SRGAP3: variants seen among roughly 807,000 people sequenced by gnomAD.
SRGAP3 encodes the protein SLIT-ROBO Rho GTPase activating protein 3, also known as SLIT-ROBO Rho GTPase-activating protein 3.
SRGAP3 carries 39 observed loss-of-function variants against 121.1 expected under a neutral mutation model. The ratio of observed to expected loss-of-function variants is 0.32; its 90% confidence interval spans 0.25 to 0.42. The LOEUF (loss-of-function observed/expected upper bound fraction) is 0.42. Among genes scored for constraint, SRGAP3 ranks in the 10% least tolerant of loss-of-function variants. SRGAP3 has a pLI of 1.00. For missense variants in SRGAP3, 1,213 were observed against 1,470.6 expected (o/e 0.82, Z 2.86); for synonymous variants, 601 against 570.0 (o/e 1.05, Z -0.77).
chr3:9,111,674 C>T (rs1317714269), intron 2 of SRGAP3, among the ~76,000 whole-genome samples: 1 of 152,180 alleles, frequency 6.6e-6, no homozygotes, highest in Non-Finnish European at 1.5e-5. Flanking sequence ...CTTCCCTGTT[C>T]CTGGGGTTGT....
At chr3:9,181,726 A>AT (rs1438401197) in intron 1 of SRGAP3, among the ~76,000 whole-genome samples, 1 of 152,280 alleles carries the variant, frequency 6.6e-6, no homozygotes, top group East Asian at 1.9e-4. Flanking sequence ...GAAAGTTATC[A>AT]TTTTTTAAAG....
intron 1 of SRGAP3, among the ~76,000 whole-genome samples, chr3:9,215,798 G>A (rs1408177442): frequency 6.6e-6 from 1 of 152,148 alleles, no homozygotes; most frequent in African/African-American, 2.4e-5. Flanking sequence ...TTGAACCAGC[G>A]GCCTCCCCTC....
chr3:9,132,264 T>C (rs141070832), intron 1 of SRGAP3, among the ~76,000 whole-genome samples: 412 of 152,278 alleles, frequency 2.7e-3, no homozygotes, highest in African/African-American at 9.5e-3. Flanking sequence ...CACACCAAAG[T>C]CTGTCACTTA....
At chr3:9,291,841 A>G (rs968893139) in intron 3 of SRGAP3, among the ~76,000 whole-genome samples, 33 of 152,238 alleles carry the variant, frequency 2.2e-4, no homozygotes, top group Non-Finnish European at 3.8e-4. Flanking sequence ...GCCAAAAAAA[A>G]GAAGGCAACT....
chr3:9,158,763 G>C (rs1950508556), intron 1 of SRGAP3, among the ~76,000 whole-genome samples: 1 of 152,146 alleles, frequency 6.6e-6, no homozygotes, highest in South Asian at 2.1e-4. Flanking sequence ...GTGCAGGTCT[G>C]AGTCTCTCCT....
chr3:8,993,289 C>T (rs1371058374), intron 19 of SRGAP3, among the ~76,000 whole-genome samples: 1 of 152,248 alleles, frequency 6.6e-6, no homozygotes, highest in Non-Finnish European at 1.5e-5. Flanking sequence ...CCTACCTCCT[C>T]CTTTTTTCTC....
At position 9,158,200 on chromosome 3, in the gene SRGAP3, C is replaced by T. The variant is rs116489237; in HGVS notation, c.68-33283G>A. 8.3e-3 allele frequency among the ~76,000 whole-genome samples: 1,264 copies of T among 152,242 alleles called. 15 individuals are homozygous for T. Among genetic ancestry groups the T allele is most frequent in the African/African-American group, 0.028 (1,180 of 41,528 alleles). On this transcript the variant is annotated intron_variant, in intron 1 of 21. Transcript: ENST00000383836. ...AGGGCTTCTCTCCGGCTCTCCTGTC[C>T]GCTCAAACCTGGGAGGGTTCTGTAG...
rs149686122 is a variant in SRGAP3 at position 9,030,153 on chromosome 3, A to AAATGAATG, written c.1539+2489_1539+2496dup. The stretch of plus-strand genomic sequence containing the variant: ...GGCGACACAGCAAGACTGCCTCAAT[A>AAATGAATG]AATGAATGAATGAATGAATGAATGA... On this transcript the variant is annotated intron_variant, in intron 12 of 21. Transcript: ENST00000383836. 5.8e-3 allele frequency among the ~76,000 whole-genome samples: 863 copies of AAATGAATG among 148,342 alleles called. 2 individuals are homozygous for AAATGAATG. Among genetic ancestry groups the AAATGAATG allele is most frequent in the Non-Finnish European group, 7.4e-3 (500 of 67,752 alleles).
chr3:9,168,976 G>A (rs778557223), intron 1 of SRGAP3, among the ~76,000 whole-genome samples: 28 of 152,328 alleles, frequency 1.8e-4, no homozygotes, highest in African/African-American at 6.5e-4. Flanking sequence ...CTGCACCCAG[G>A]TGAGAGCAAG....
At chr3:8,992,006 C>T (rs868385278) in intron 20 of SRGAP3, among the ~76,000 whole-genome samples, 9 of 152,190 alleles carry the variant, frequency 5.9e-5, no homozygotes, top group African/African-American at 1.9e-4. Flanking sequence ...CCTACGCCAG[C>T]CTTCCACTTC....
chr3:9,191,325 C>G (rs1048671150), intron 1 of SRGAP3, among the ~76,000 whole-genome samples: 1 of 152,202 alleles, frequency 6.6e-6, no homozygotes, highest in Non-Finnish European at 1.5e-5. Flanking sequence ...GCAAGTATTG[C>G]TTTTATCATT....
intron 3 of SRGAP3, among the ~76,000 whole-genome samples, chr3:9,254,933 GAAA>G (rs976173305): frequency 3.0e-5 from 4 of 132,136 alleles, no homozygotes; most frequent in Non-Finnish European, 6.7e-5. Flanking sequence ...GAGAGAGAAA[GAAA>G]AAGAAAGAAA....
At chr3:9,219,341 G>A (rs757325868) in intron 1 of SRGAP3, 1 of 152,100 alleles carries the variant, frequency 6.6e-6, no homozygotes, top group Non-Finnish European at 1.5e-5. Context: ...CATGGTTGTC[G>A]AGGACTCTGC....
At chr3:9,054,845 A>G (rs1469631177) in intron 8 of SRGAP3, among the ~76,000 whole-genome samples, 1 of 152,240 alleles carries the variant, frequency 6.6e-6, no homozygotes, top group African/African-American at 2.4e-5. Context: ...TAAATACTTG[A>G]ATAAATATTG....
intron 15 of SRGAP3, chr3:9,014,176 G>T: frequency 2.5e-6 from 1 of 406,412 alleles, no homozygotes. Context: ...TCCCACCTAA[G>T]AGTGAAGCTG....
chr3:9,282,477 ATTTGTT>A (rs200450741), intron 3 of SRGAP3, among the ~76,000 whole-genome samples: 18 of 151,576 alleles, frequency 1.2e-4, no homozygotes, highest in African/African-American at 4.1e-4. Flanking sequence ...GTTATGATAT[ATTTGTT>A]TTTGTTTTTG....
At chr3:9,196,923 C>T (rs1234399385) in intron 1 of SRGAP3, among the ~76,000 whole-genome samples, 1 of 152,202 alleles carries the variant, frequency 6.6e-6, no homozygotes, top group Admixed American at 6.5e-5. Context: ...ACATTTTCCA[C>T]TCTGGCATGA....
At chr3:9,153,000 G>T (rs760953211) in intron 1 of SRGAP3, among the ~76,000 whole-genome samples, 1 of 152,138 alleles carries the variant, frequency 6.6e-6, no homozygotes, top group Non-Finnish European at 1.5e-5. Context: ...TTCCACAGTC[G>T]TTGATCCCAA....
In SRGAP3 at chr3:9,091,202, A is replaced by G. The variant is rs77849654; in HGVS notation, c.424-11115T>C. Among the ~76,000 whole-genome samples the G allele has an allele frequency of 6.1e-3, 922 of 152,230 alleles. 6 individuals are homozygous for G. The highest frequency in any genetic ancestry group is 0.02 in the African/African-American group (843 of 41,548). ...AGGTGGCCTTTGTTAACTCTCAGTT[A>G]TCCGTGCTGGGCCTCTCTTCTCCTG... On this transcript the variant is annotated intron_variant, in intron 3 of 21. Coordinates refer to ENST00000383836, the MANE Select transcript of SRGAP3 (RefSeq NM_014850.4).
Sources: allele counts gnomAD v4.1 joint callset (sites outside exome capture counted in the v4.1 genomes callset), GRCh38; gene constraint gnomAD v4.1.1; transcripts MANE v1.5; gene names NCBI Gene and HGNC (gene_info 2026-07-23, HGNC 2026-07-21).